INPP5J: variants seen among roughly 807,000 people sequenced by gnomAD.
The protein encoded by INPP5J is inositol polyphosphate-5-phosphatase J, also known as phosphatidylinositol 4,5-bisphosphate 5-phosphatase A.
A neutral mutation model predicts 86.6 loss-of-function variants in INPP5J; 75 were observed. The ratio of observed to expected loss-of-function variants is 0.87; its 90% confidence interval spans 0.72 to 1.05. The LOEUF (loss-of-function observed/expected upper bound fraction) is 1.05, where lower values mean the gene tolerates loss of function less well. Ranked by LOEUF, INPP5J falls within the 50% of genes least tolerant of loss-of-function variation. INPP5J has a pLI of 0.00. For synonymous variants in INPP5J, 540 were observed against 550.0 expected (o/e 0.98, Z 0.25); for missense variants, 1,229 against 1,341.2 (o/e 0.92, Z 1.31).
intron 9 of INPP5J, among the ~76,000 whole-genome samples, chr22:31,132,688 G>A (rs555360795): frequency 2.6e-5 from 4 of 151,280 alleles, no homozygotes; most frequent in Non-Finnish European, 2.9e-5. Context: ...GCAGTGAGCC[G>A]AGATTGCACC....
Position 31,126,011 on chromosome 22 carries a change from G to A in INPP5J, c.1271+1G>A. 1 of 1,558,668 alleles carries A rather than the reference G, an allele frequency of 6.4e-7. No homozygotes were observed. On this transcript the variant is annotated splice_donor_variant, in intron 2 of 12. Coordinates refer to ENST00000331075, the MANE Select transcript of INPP5J (RefSeq NM_001284285.2). LOFTEE classifies it high-confidence loss of function. ...CCTGGAAGAGCGACCCCGGCTTCCG[G>A]TGAGGGGGCCCTCTCCCAAGAAAGG...
chr22:31,130,343 G>A (rs569828002), intron 9 of INPP5J, among the ~76,000 whole-genome samples: 3 of 151,686 alleles, frequency 2.0e-5, no homozygotes, highest in African/African-American at 4.8e-5. Context: ...CTGTGTCTCA[G>A]GGAAAAAATA....
chr22:31,128,454 AC>A lies in INPP5J; in HGVS notation c.2010-13del. 6.2e-7 allele frequency: 1 copy of A among 1,612,724 alleles called. No homozygotes were observed. The highest frequency in any genetic ancestry group is 8.5e-7 in the Non-Finnish European group (1 of 1,179,530). ...ATCCCCAGCCCCTGAAACTTGGGGT[AC>A]CCCTGCTCACTGCAGTGCCAAGAAA... On this transcript the variant is annotated splice_polypyrimidine_tract_variant and intron_variant, in intron 8 of 12. Transcript: ENST00000331075.
rs775715181 is a variant in INPP5J, at chr22:31,134,415, C to T, written c.3017C>T (p.Pro1006Leu). Residue 1006 changes from proline (P) to leucine (L), a missense_variant, in exon 13 of 13, where the codon CCC (proline) becomes CTC (leucine). Transcript: ENST00000331075. ...GGGCTGGAGGAAGGGGGCCTGGGGC[C>T]CTGAGGGTGGGGTAGGCAGATGGGC... ...HRGLEEGGLGP is the reference protein window; with the variant it reads ...HRGLEEGGLGL 8.9e-6 allele frequency: 13 copies of T among 1,456,244 alleles called. No homozygotes were observed. Among genetic ancestry groups the T allele is most frequent in the South Asian group, 1.5e-5 (1 of 68,458 alleles). The allele number at this position is 1,456,244 out of a possible 1,614,324, so 90.2% of individuals were successfully genotyped here.
chr22:31,125,378 T>A lies in INPP5J; in HGVS notation c.639T>A (p.Thr213=), dbSNP rs568427683. The change falls in exon 2 of 13, where the codon ACT becomes ACA. Residue 213 remains threonine (T), a synonymous_variant. Transcript: ENST00000331075. ...SPVPSPVLSP[T]QEQALAPAST... ...TGCCCAGTCCAGTTCTGTCTCCAAC[T>A]CAGGAACAGGCCCTGGCTCCAGCAT... The A allele has an allele frequency of 3.2e-6, 5 of 1,550,244 alleles. No homozygotes were observed. In the Admixed American group the frequency reaches 9.8e-5, roughly 30 times the overall value.
chr22:31,128,558 G>C lies in INPP5J; in HGVS notation c.2097G>C (p.Lys699Asn). The C allele has an allele frequency of 6.2e-7, 1 of 1,613,462 alleles. No individual in the cohort carries two copies. The part of the protein sequence containing the change: ...PGGGPSPSGR[K>N]SHRLQVTQHS... ...GGGGTCCCAGCCCCTCAGGACGGAAGAGCCACCGACTCCAGGTGACGCAGC... is the reference window on the plus strand; with the variant it reads ...GGGGTCCCAGCCCCTCAGGACGGAACAGCCACCGACTCCAGGTGACGCAGC... Residue 699 changes from lysine to asparagine, a missense_variant, in exon 9 of 13, where the codon AAG (lysine) becomes AAC (asparagine). By Grantham distance (94) the Lys-to-Asn change is moderately conservative. Transcript: ENST00000331075.
At position 31,123,106 on chromosome 22, in the gene INPP5J, G is replaced by C. The variant is rs776805536; in HGVS notation, c.92G>C (p.Gly31Ala). Reference protein sequence around the residue: ...LPMPQGVAQTGAPSKVDSSFQ... With the variant: ...LPMPQGVAQTAAPSKVDSSFQ... ...ATGCCCCAGGGTGTTGCCCAAACTG[G>C]GGCACCCTCCAAGGTAAGACCCCTG... The change falls in exon 1 of 13, where the codon GGG (glycine) becomes GCG (alanine). Residue 31 changes from glycine (G) to alanine (A), a missense_variant. Coordinates refer to ENST00000331075, the MANE Select transcript of INPP5J (RefSeq NM_001284285.2). 5 of 1,480,590 alleles carry C rather than the reference G, an allele frequency of 3.4e-6. No homozygotes were observed. The highest frequency in any genetic ancestry group is 2.7e-5 in the South Asian group (2 of 74,500). 91.7% of individuals were successfully genotyped at this position (1,480,590 alleles called of 1,614,324 possible). A position where few individuals can be genotyped will look rare whatever the true frequency, so the allele number is the denominator to read the frequency against.
chr22:31,127,273 A>G (rs895020307), intron 5 of INPP5J, 84 bp from the exon 6 acceptor site: 11 of 1,303,664 alleles, frequency 8.4e-6, no homozygotes, highest in African/African-American at 4.5e-5. Flanking sequence ...CCTTCCACCC[A>G]CATCTCCTCT....
At chr22:31,130,214 G>A (rs1049365174) in intron 9 of INPP5J, among the ~76,000 whole-genome samples, 1 of 152,164 alleles carries the variant, frequency 6.6e-6, no homozygotes, top group African/African-American at 2.4e-5. Context: ...AGTGGTGCAT[G>A]CCTGTAATCC....
chr22:31,123,571 C>T (rs1450048821), intron 1 of INPP5J, among the ~76,000 whole-genome samples: 4 of 152,114 alleles, frequency 2.6e-5, no homozygotes, highest in African/African-American at 9.7e-5. Context: ...CCTAAAATGC[C>T]ACCTCAAAGA....
intron 9 of INPP5J, among the ~76,000 whole-genome samples, chr22:31,132,366 G>C (rs1328348947): frequency 6.6e-6 from 1 of 152,108 alleles, no homozygotes; most frequent in Non-Finnish European, 1.5e-5. Context: ...AGCACTTACT[G>C]GTATACTGGG....
Position 31,125,013 on chromosome 22 carries a change from C to A in INPP5J, c.274C>A (p.Pro92Thr). 1 of 1,564,496 alleles carries A rather than the reference C, an allele frequency of 6.4e-7. No individual in the cohort carries two copies. The highest frequency in any genetic ancestry group is 8.7e-7 in the Non-Finnish European group (1 of 1,154,588). Residue 92 changes from proline (P) to threonine (T), a missense_variant, in exon 2 of 13, where the codon CCT becomes ACT. Coordinates refer to ENST00000331075, the MANE Select transcript of INPP5J (RefSeq NM_001284285.2). Reference sequence around the variant, plus strand: ...ACCAATCCTGGCTCCACTGTGTACCCCTGAAGGGCAGAAAACAGCTACTGC... The same window carrying A: ...ACCAATCCTGGCTCCACTGTGTACCACTGAAGGGCAGAAAACAGCTACTGC... ...PRPILAPLCT[P>T]EGQKTATAHR...
intron 1 of INPP5J, 99 bp from the exon 2 acceptor site, chr22:31,124,746 C>A: frequency 2.0e-6 from 2 of 1,002,280 alleles, no homozygotes; most frequent in Non-Finnish European, 2.9e-6. Flanking sequence ...GAAAGATGTG[C>A]CTTTCTTAGC....
rs377104936 is a variant in INPP5J, at chr22:31,134,291, C to A, written c.2893C>A (p.Arg965Ser). Residue 965 changes from arginine (R) to serine (S), a missense_variant, in exon 13 of 13, where the codon CGC (arginine) becomes AGC (serine). By Grantham distance (110) the Arg-to-Ser change is moderately radical (BLOSUM62 -1). Transcript: ENST00000331075. ...PRSLGLLPAL[R>S]LETVDPGGGG... ...AAGCCTGGGCCTGTTGCCCGCCTTGCGCCTAGAGACTGTAGACCCTGGTGG... is the reference window on the plus strand; with the variant it reads ...AAGCCTGGGCCTGTTGCCCGCCTTGAGCCTAGAGACTGTAGACCCTGGTGG... 1 of 1,554,848 alleles carries A rather than the reference C, an allele frequency of 6.4e-7. No individual in the cohort carries two copies. The highest frequency in any genetic ancestry group is 8.7e-7 in the Non-Finnish European group (1 of 1,149,906).
At position 31,127,356 on chromosome 22, in the gene INPP5J, G is replaced by A; in HGVS notation, c.1612-1G>A. The A allele has an allele frequency of 6.2e-7, 1 of 1,607,482 alleles. No homozygotes were observed. Among genetic ancestry groups the A allele is most frequent in the Non-Finnish European group, 8.5e-7 (1 of 1,176,772 alleles). On this transcript the variant is annotated splice_acceptor_variant, in intron 5 of 12. Coordinates refer to ENST00000331075, the MANE Select transcript of INPP5J (RefSeq NM_001284285.2). LOFTEE classifies it high-confidence loss of function. ...TGAGCCATCCGACCCTGCCTCCCTAGGGTAACAAGGGTGGCGTGAGCGTGC... is the reference window on the plus strand; with the variant it reads ...TGAGCCATCCGACCCTGCCTCCCTAAGGTAACAAGGGTGGCGTGAGCGTGC...
chr22:31,133,098 T>A lies in INPP5J; in HGVS notation c.2194T>A (p.Phe732Ile). The A allele has an allele frequency of 6.4e-7, 1 of 1,559,518 alleles. No homozygotes were observed. Among genetic ancestry groups the A allele is most frequent in the Non-Finnish European group, 8.7e-7 (1 of 1,151,530 alleles). Reference protein sequence around the residue: ...KPVAAQFLLQFAFRDDMPLVR... With the variant: ...KPVAAQFLLQIAFRDDMPLVR... Reference sequence around the variant, plus strand: ...CCCTGCCCCTGCCTTGCCTGGACAGTTTGCCTTCAGGGACGACATGCCACT... The same window carrying A: ...CCCTGCCCCTGCCTTGCCTGGACAGATTGCCTTCAGGGACGACATGCCACT... The change falls in exon 10 of 13, where the codon TTT becomes ATT. Residue 732 changes from phenylalanine to isoleucine, a missense_variant and splice_region_variant. Transcript: ENST00000331075.
chr22:31,133,377 A>G, intron 10 of INPP5J, 29 bp from the exon 11 acceptor site: 1 of 1,611,972 alleles, frequency 6.2e-7, no homozygotes, highest in South Asian at 1.1e-5. Context: ...TAGGGTCACA[A>G]CACTGATTCC....
chr22:31,125,347 C>T lies in INPP5J; in HGVS notation c.608C>T (p.Ser203Phe). The T allele has an allele frequency of 6.4e-7, 1 of 1,550,588 alleles. No homozygotes were observed. Among genetic ancestry groups the T allele is most frequent in the Non-Finnish European group, 8.7e-7 (1 of 1,146,976 alleles). Residue 203 changes from serine to phenylalanine, a missense_variant, in exon 2 of 13, where the codon TCC becomes TTC. Transcript: ENST00000331075. ...CCCCCAGAACTCCCCTCCACCCCTT[C>T]CCCGGTGCCCAGTCCAGTTCTGTCT... Reference protein sequence around the residue: ...EQPPELPSTPSPVPSPVLSPT... With the variant: ...EQPPELPSTPFPVPSPVLSPT...
intron 9 of INPP5J, among the ~76,000 whole-genome samples, chr22:31,132,532 G>A (rs1330886509): frequency 6.6e-6 from 1 of 152,040 alleles, no homozygotes; most frequent in Non-Finnish European, 1.5e-5. Context: ...TTGAGGTCAG[G>A]AGTTCAAGAA....
Sources: allele counts gnomAD v4.1 joint callset (sites outside exome capture counted in the v4.1 genomes callset), GRCh38; gene constraint gnomAD v4.1.1; transcripts MANE v1.5; gene names NCBI Gene and HGNC (gene_info 2026-07-23, HGNC 2026-07-21).